NAA11: variants seen among roughly 807,000 people sequenced by gnomAD.
The protein encoded by NAA11 is N-alpha-acetyltransferase 11.
NAA11 carries 15 observed loss-of-function variants against 16.1 expected under a neutral mutation model. The ratio of observed to expected loss-of-function variants is 0.93; its 90% CI spans 0.62 to 1.44. NAA11 has a LOEUF of 1.44. Among genes scored for constraint, NAA11 ranks in the 40% most tolerant of loss-of-function variants. The pLI is 0.00. For synonymous variants in NAA11, 122 were observed against 112.4 expected (o/e 1.09, Z -0.54); for missense variants, 298 against 291.3 (o/e 1.02, Z -0.17).
the NAA11 span, among the ~76,000 whole-genome samples, chr4:79,212,655 A>G: frequency 1.3e-5 from 2 of 152,126 alleles, no homozygotes; most frequent in South Asian, 2.1e-4. Context: ...ATACTAAAAT[A>G]TTTTGAGAGG....
chr4:79,309,323 A>G (rs1723689913), intron 1 of NAA11, among the ~76,000 whole-genome samples: 1 of 152,202 alleles, frequency 6.6e-6, no homozygotes, highest in African/African-American at 2.4e-5. Flanking sequence ...TTTCCTTTCA[A>G]AAACATAAAC....
the NAA11 span, among the ~76,000 whole-genome samples, chr4:79,163,339 A>G: frequency 1.3e-5 from 2 of 152,194 alleles, no homozygotes; most frequent in African/African-American, 2.4e-5. Flanking sequence ...TGTGAACTAG[A>G]AGAGATCATG....
intron 2 of NAA11, among the ~76,000 whole-genome samples, chr4:79,266,318 G>A (rs79759185): frequency 0.017 from 2,591 of 152,232 alleles, 78 homozygotes; most frequent in African/African-American, 0.058. Context: ...TGCTCTGCTT[G>A]GCAGGCAACC....
At chr4:79,255,796 G>A (rs1359628254) in intron 2 of NAA11, among the ~76,000 whole-genome samples, 1 of 152,154 alleles carries the variant, frequency 6.6e-6, no homozygotes, top group African/African-American at 2.4e-5. Flanking sequence ...TGCAGAGCAG[G>A]GCTACCCTGT....
chr4:79,166,048 A>T, the NAA11 span, among the ~76,000 whole-genome samples: 1 of 152,206 alleles, frequency 6.6e-6, no homozygotes, highest in African/African-American at 2.4e-5. Flanking sequence ...TATAGGTGGT[A>T]GGATTATTTT....
the NAA11 span, among the ~76,000 whole-genome samples, chr4:79,214,069 C>T: frequency 3.3e-5 from 5 of 152,162 alleles, no homozygotes; most frequent in East Asian, 9.6e-4. Flanking sequence ...TACACCACCA[C>T]AACACAGGAA....
rs1418132210 is a variant in NAA11, at chr4:79,325,893, GGAACCGGTTGGACTGCAGT to G, written c.-35_-17del. The G allele has an allele frequency of 6.3e-7, 1 of 1,590,368 alleles. No individual in the cohort carries two copies. On this transcript the variant is annotated 5_prime_UTR_variant, in exon 1 of 2. Coordinates refer to ENST00000286794, the MANE Select transcript of NAA11 (RefSeq NM_032693.3). ...GGATGTTCATAATGGCAGAGGGTAGGGAACCGGTTGGACTGCAGTGAACCCAGAAGAGGCTGTCGCCGAC... is the reference window on the plus strand; with the variant it reads ...GGATGTTCATAATGGCAGAGGGTAGGGAACCCAGAAGAGGCTGTCGCCGAC...
At chr4:79,204,928 T>TACACACACACAC in the NAA11 span, among the ~76,000 whole-genome samples, 10,700 of 147,760 alleles carry the variant, frequency 0.072, 480 homozygotes, top group Middle Eastern at 0.13. Flanking sequence ...ATGGTGTGTA[T>TACACACACACAC]ACACACACAC....
At chr4:79,249,300 T>C (rs1044604160) in intron 2 of NAA11, among the ~76,000 whole-genome samples, 6 of 152,200 alleles carry the variant, frequency 3.9e-5, no homozygotes, top group Admixed American at 1.3e-4. Context: ...GAATTCAGAA[T>C]ATGGATAGGA....
the NAA11 span, among the ~76,000 whole-genome samples, chr4:79,168,735 A>G: frequency 6.6e-6 from 1 of 152,054 alleles, no homozygotes; most frequent in African/African-American, 2.4e-5. Flanking sequence ...TATTTCTTGT[A>G]AATTTGTTTA....
the NAA11 span, among the ~76,000 whole-genome samples, chr4:79,199,536 T>G: frequency 6.6e-6 from 1 of 151,810 alleles, no homozygotes; most frequent in East Asian, 1.9e-4. Context: ...AAAAAACAGA[T>G]ACAATTTAGA....
At chr4:79,167,255 A>ATATATG in the NAA11 span, among the ~76,000 whole-genome samples, 1 of 94,256 alleles carries the variant, frequency 1.1e-5, no homozygotes, top group African/African-American at 5.9e-5. Flanking sequence ...ACACACCCAC[A>ATATATG]TATATATATA....
At chr4:79,163,505 TG>T in the NAA11 span, among the ~76,000 whole-genome samples, 1 of 152,162 alleles carries the variant, frequency 6.6e-6, no homozygotes, top group African/African-American at 2.4e-5. Context: ...AGCCTGTCAC[TG>T]GGTCATCATT....
chr4:79,220,339 C>T, the NAA11 span, among the ~76,000 whole-genome samples: 2 of 152,090 alleles, frequency 1.3e-5, no homozygotes, highest in Non-Finnish European at 2.9e-5. Flanking sequence ...GTGATCCACC[C>T]GCCTTGGCCT....
chr4:79,303,236 G>GA (rs1723465509), intron 1 of NAA11, among the ~76,000 whole-genome samples: 1 of 151,334 alleles, frequency 6.6e-6, no homozygotes, highest in Admixed American at 6.6e-5. Flanking sequence ...TGGACCATCT[G>GA]AAAATCTTTG....
At chr4:79,219,451 A>C in the NAA11 span, among the ~76,000 whole-genome samples, 2 of 152,116 alleles carry the variant, frequency 1.3e-5, no homozygotes, top group Non-Finnish European at 1.5e-5. Context: ...GCTGTTTTTT[A>C]ATCCCTCCAT....
chr4:79,311,852 G>C (rs1201700287), downstream of NAA11, among the ~76,000 whole-genome samples: 1 of 152,130 alleles, frequency 6.6e-6, no homozygotes, highest in African/African-American at 2.4e-5. Context: ...ATTAAATGTT[G>C]AAAAATATAT....
intron 2 of NAA11, among the ~76,000 whole-genome samples, chr4:79,262,199 A>G (rs772509903): frequency 1.3e-5 from 2 of 152,232 alleles, no homozygotes; most frequent in Non-Finnish European, 2.9e-5. Flanking sequence ...GATCCAAGAA[A>G]GAACTAGAAC....
chr4:79,237,205 A>G (rs1447579581), intron 2 of NAA11, among the ~76,000 whole-genome samples: 1 of 152,196 alleles, frequency 6.6e-6, no homozygotes. Context: ...GATCAGCTAT[A>G]GAGGTTACCA....
Sources: allele counts gnomAD v4.1 joint callset (sites outside exome capture counted in the v4.1 genomes callset), GRCh38; gene constraint gnomAD v4.1.1; transcripts MANE v1.5; gene names NCBI Gene and HGNC (gene_info 2026-07-23, HGNC 2026-07-21).